The following FREM2 variants were observed in gnomAD, a reference collection of about 807,000 sequenced individuals.
The protein encoded by FREM2 is FRAS1-related extracellular matrix protein 2.
Under a neutral mutation model 219.9 loss-of-function variants are expected in FREM2, and 119 were observed. The observed-to-expected ratio is 0.54, with a 90% CI of 0.47 to 0.63. The LOEUF (loss-of-function observed/expected upper bound fraction) is 0.63. Among genes scored for constraint, FREM2 ranks in the 30% least tolerant of loss-of-function variants. FREM2 has a pLI of 0.00. For synonymous variants in FREM2, 1,562 were observed against 1,522.8 expected, an observed-to-expected ratio of 1.03 and a Z score of -0.60; for missense variants, 4,030 against 3,993.6, an observed-to-expected ratio of 1.01 and a Z score of -0.25.
chr13:38,846,241 T>C (rs1355439939), intron 6 of FREM2, among the ~76,000 whole-genome samples: 1 of 150,810 alleles, frequency 6.6e-6, no homozygotes, highest in Non-Finnish European at 1.5e-5. Context: ...AAGATACGTG[T>C]TTTGCTTCAT....
At chr13:38,776,165 T>C (rs756502101) in intron 4 of FREM2, among the ~76,000 whole-genome samples, 7 of 152,176 alleles carry the variant, frequency 4.6e-5, no homozygotes, top group Non-Finnish European at 1.0e-4. Flanking sequence ...AATGACAGAC[T>C]CTGCTGTATT....
At chr13:38,739,225 A>G (rs763930777) in intron 2 of FREM2, among the ~76,000 whole-genome samples, 4 of 152,194 alleles carry the variant, frequency 2.6e-5, no homozygotes, top group Non-Finnish European at 5.9e-5. Context: ...GATTGAATGT[A>G]ATTTTAAAAA....
chr13:38,741,200 C>G (rs1872229859), intron 2 of FREM2, among the ~76,000 whole-genome samples: 1 of 152,152 alleles, frequency 6.6e-6, no homozygotes, highest in Non-Finnish European at 1.5e-5. Flanking sequence ...AACACACTGC[C>G]TCTTAGGCCA....
At chr13:38,764,540 A>T (rs946279998) in intron 3 of FREM2, 90 bp downstream of exon 3, 2 of 785,606 alleles carry the variant, frequency 2.5e-6, no homozygotes, top group Admixed American at 3.0e-5. Flanking sequence ...AGTTTAGTTC[A>T]CTTAGAGCTT....
chr13:38,766,451 C>T (rs1411632010), intron 3 of FREM2, among the ~76,000 whole-genome samples: 4 of 152,052 alleles, frequency 2.6e-5, no homozygotes, highest in South Asian at 2.1e-4. Flanking sequence ...AAGATGGTAA[C>T]GGAATTCATG....
chr13:38,883,241 C>T lies in FREM2; in HGVS notation c.*2454C>T, dbSNP rs540633725. On this transcript the variant is annotated 3_prime_UTR_variant, in exon 24 of 24. Coordinates refer to ENST00000280481, the MANE Select transcript of FREM2 (RefSeq NM_207361.6). The stretch of plus-strand genomic sequence containing the variant: ...CATTATTTTTCTTAATATCTATTTA[C>T]TAAGTATGTAATTTAATATACATTA... The T allele has an allele frequency of 2.0e-5, 3 of 151,966 alleles. No individual in the cohort carries two copies. The highest frequency in any genetic ancestry group is 2.9e-5 in the Non-Finnish European group (2 of 67,990). The allele number at this position is 151,966 out of a possible 1,614,324, so 9.4% of individuals were successfully genotyped here.
rs991426420 is a variant in FREM2 at position 38,886,164 on chromosome 13, A to G, written c.*5377A>G. 1 of 152,222 alleles carries G rather than the reference A, an allele frequency of 6.6e-6. No homozygotes were observed. The highest frequency in any genetic ancestry group is 1.5e-5 in the Non-Finnish European group (1 of 68,038). 9.4% of individuals were successfully genotyped at this position (152,222 alleles called of 1,614,324 possible). A position where few individuals can be genotyped will look rare whatever the true frequency, so the allele number is the denominator to read the frequency against. On this transcript the variant is annotated 3_prime_UTR_variant, in exon 24 of 24. Transcript: ENST00000280481. Reference sequence around the variant, plus strand: ...TAAATTTTTAAAAGCTAGCATTAAAAGTAAAGAGCAGTACAATAAAAATCA... The same window carrying G: ...TAAATTTTTAAAAGCTAGCATTAAAGGTAAAGAGCAGTACAATAAAAATCA...
At chr13:38,766,572 A>G (rs1873443769) in intron 3 of FREM2, among the ~76,000 whole-genome samples, 1 of 152,180 alleles carries the variant, frequency 6.6e-6, no homozygotes, top group Non-Finnish European at 1.5e-5. Context: ...TTATTTATGG[A>G]CTTTTAGAAT....
intron 4 of FREM2, among the ~76,000 whole-genome samples, chr13:38,773,405 T>C (rs1032042304): frequency 1.5e-4 from 23 of 152,170 alleles, no homozygotes; most frequent in African/African-American, 5.3e-4. Flanking sequence ...CCCCTTTTTT[T>C]TTCGAGACGG....
chr13:38,794,234 A>G (rs1874679432), intron 6 of FREM2, among the ~76,000 whole-genome samples: 1 of 152,198 alleles, frequency 6.6e-6, no homozygotes, highest in South Asian at 2.1e-4. Context: ...GATTTCATGA[A>G]TGCTAAACAG....
In FREM2 at chr13:38,724,029, T is replaced by A. The variant is rs1267803250; in HGVS notation, c.5263+26242T>A. 2.0e-5 allele frequency among the ~76,000 whole-genome samples: 3 copies of A among 152,216 alleles called. No homozygotes were observed. The East Asian group carries it at 5.8e-4, about 29-fold the overall frequency. On this transcript the variant is annotated intron_variant, in intron 2 of 23. Coordinates refer to ENST00000280481, the MANE Select transcript of FREM2 (RefSeq NM_207361.6). ...CAATGGGTTCACTACAATTCAAATG[T>A]TCTGGAGTTAGACTTGTATTGCCTT...
intron 11 of FREM2, among the ~76,000 whole-genome samples, chr13:38,855,553 T>C (rs1416444330): frequency 6.6e-6 from 1 of 152,214 alleles, no homozygotes; most frequent in Non-Finnish European, 1.5e-5. Flanking sequence ...ATTAAAATTT[T>C]CCTTCAGATA....
intron 6 of FREM2, among the ~76,000 whole-genome samples, chr13:38,785,053 C>T (rs1236123538): frequency 6.6e-6 from 1 of 152,202 alleles, no homozygotes; most frequent in Non-Finnish European, 1.5e-5. Context: ...TTTCTTTCAC[C>T]AAGCCCTGTA....
chr13:38,776,260 A>G (rs928551422), intron 4 of FREM2, among the ~76,000 whole-genome samples: 6 of 152,160 alleles, frequency 3.9e-5, no homozygotes, highest in African/African-American at 1.4e-4. Context: ...GTTGTTTTTG[A>G]ATGTGCCAAA....
chr13:38,747,011 C>T (rs1430231484), intron 2 of FREM2, among the ~76,000 whole-genome samples: 1 of 152,122 alleles, frequency 6.6e-6, no homozygotes, highest in Non-Finnish European at 1.5e-5. Flanking sequence ...GCTCACAAGC[C>T]TGGGCAGGTC....
intron 1 of FREM2, among the ~76,000 whole-genome samples, chr13:38,695,017 A>T (rs1462793155): frequency 1.3e-5 from 2 of 152,210 alleles, no homozygotes; most frequent in Admixed American, 1.3e-4. Flanking sequence ...AAAAAATCTC[A>T]TGGAATAATT....
intron 2 of FREM2, among the ~76,000 whole-genome samples, chr13:38,712,690 A>G (rs1156414763): frequency 6.6e-6 from 1 of 151,450 alleles, no homozygotes; most frequent in African/African-American, 2.4e-5. Context: ...ACACACACAC[A>G]CAAGTACACA....
At position 38,690,378 on chromosome 13, in the gene FREM2, G is replaced by A. The variant is rs761849873; in HGVS notation, c.3034G>A (p.Gly1012Ser). ...GTTTACTCAAAGGGACATCTTGGAG[G>A]GCTCTGTTGTATATACCCACACCAG... Reference protein sequence around the residue: ...EQFTQRDILEGSVVYTHTSGE... With the variant: ...EQFTQRDILESSVVYTHTSGE... Residue 1012 changes from glycine to serine, a missense_variant, in exon 1 of 24, where the codon GGC becomes AGC. Gly to Ser is a moderately conservative substitution (Grantham distance 56). This residue lies in a region of FREM2 where 3,102 missense variants were observed against 2,950.7 expected (regional missense o/e 1.05). Coordinates refer to ENST00000280481, the MANE Select transcript of FREM2 (RefSeq NM_207361.6). 5.6e-6 allele frequency: 9 copies of A among 1,613,566 alleles called. No homozygotes were observed. Among genetic ancestry groups the A allele is most frequent in the Non-Finnish European group, 7.6e-6 (9 of 1,180,034 alleles).
chr13:38,864,258 A>G lies in FREM2; in HGVS notation c.7652-17A>G, dbSNP rs938952140. ...GCTACTTGAAAGACTGTTAACAATG[A>G]TTTCGATTTATCATAGGCATGCTCC... On this transcript the variant is annotated splice_polypyrimidine_tract_variant and intron_variant, in intron 15 of 23. Coordinates refer to ENST00000280481, the MANE Select transcript of FREM2 (RefSeq NM_207361.6). The G allele has an allele frequency of 4.4e-6, 7 of 1,600,182 alleles. No homozygotes were observed. In the African/African-American group the frequency reaches 9.4e-5, roughly 21 times the overall value.
Sources: allele counts gnomAD v4.1 joint callset (sites outside exome capture counted in the v4.1 genomes callset), GRCh38; gene constraint gnomAD v4.1.1; regional missense constraint gnomAD v4.1.1; transcripts MANE v1.5; gene names NCBI Gene and HGNC (gene_info 2026-07-23, HGNC 2026-07-21).